DOCK1: variants seen among roughly 807,000 people sequenced by gnomAD.
DOCK1 encodes dedicator of cytokinesis 1.
DOCK1 carries 138 observed loss-of-function variants against 262.7 expected under a neutral mutation model. That is an observed-to-expected ratio of 0.53 (90% CI 0.46 to 0.61). DOCK1 has a LOEUF of 0.61. Among genes scored for constraint, DOCK1 ranks in the 20% least tolerant of loss-of-function variants. The pLI is 0.00. For missense variants in DOCK1, 1,908 were observed against 2,370.7 expected (o/e 0.80, Z 4.05); for synonymous variants, 866 against 867.4 (o/e 1.00, Z 0.03).
intron 27 of DOCK1, among the ~76,000 whole-genome samples, chr10:127,247,654 ATAGT>A (rs1279691956): frequency 2.0e-5 from 3 of 152,208 alleles, no homozygotes; most frequent in African/African-American, 7.2e-5. Flanking sequence ...TGAGGTATTA[ATAGT>A]TAGAGAGAAT....
At chr10:127,236,067 G>A (rs1449865465) in intron 27 of DOCK1, among the ~76,000 whole-genome samples, 3 of 152,034 alleles carry the variant, frequency 2.0e-5, no homozygotes, top group African/African-American at 4.8e-5. Flanking sequence ...TCTGCAGTCT[G>A]TCTTTTTACT....
chr10:127,097,397 G>T, intron 23 of DOCK1, among the ~76,000 whole-genome samples: 1 of 152,164 alleles, frequency 6.6e-6, no homozygotes, highest in East Asian at 1.9e-4. Flanking sequence ...TTTACCACTG[G>T]CTGTGATTCT....
chr10:127,238,398 T>C (rs2059148187), intron 27 of DOCK1, among the ~76,000 whole-genome samples: 1 of 152,140 alleles, frequency 6.6e-6, no homozygotes, highest in African/African-American at 2.4e-5. Flanking sequence ...CCAAAGACCT[T>C]TTACCTCGAG....
At chr10:126,936,014 T>C (rs1357713716) in intron 1 of DOCK1, among the ~76,000 whole-genome samples, 1 of 152,232 alleles carries the variant, frequency 6.6e-6, no homozygotes, top group Non-Finnish European at 1.5e-5. Flanking sequence ...AAGGCCTCAC[T>C]TTGTCATCCA....
At chr10:127,253,858 G>GC (rs1317337086) in intron 28 of DOCK1, among the ~76,000 whole-genome samples, 1 of 126,524 alleles carries the variant, frequency 7.9e-6, no homozygotes, top group African/African-American at 3.0e-5. Context: ...CTGGGTGATA[G>GC]CATGAGACCC....
At chr10:127,121,453 A>ATGTGTGTG (rs755217555) in intron 25 of DOCK1, among the ~76,000 whole-genome samples, 3 of 25,736 alleles carry the variant, frequency 1.2e-4, no homozygotes, top group Admixed American at 4.1e-4. Context: ...GGGTATATGT[A>ATGTGTGTG]TATGTGTGTG....
chr10:127,322,089 C>T (rs1477143495), intron 29 of DOCK1, among the ~76,000 whole-genome samples: 2 of 150,670 alleles, frequency 1.3e-5, no homozygotes, highest in Non-Finnish European at 2.9e-5. Flanking sequence ...GGAGACAGAG[C>T]GAGACTCTGT....
intron 48 of DOCK1, among the ~76,000 whole-genome samples, chr10:127,434,060 A>G (rs1247181570): frequency 6.6e-6 from 1 of 151,934 alleles, no homozygotes; most frequent in Non-Finnish European, 1.5e-5. Context: ...TGGTCTGACC[A>G]TGACACAACC....
intron 29 of DOCK1, among the ~76,000 whole-genome samples, chr10:127,318,845 A>G (rs2062398285): frequency 6.6e-6 from 1 of 152,186 alleles, no homozygotes; most frequent in Admixed American, 6.5e-5. Context: ...GAGTGTTATG[A>G]ATAGAAATAG....
chr10:127,330,476 T>C (rs563648511), intron 29 of DOCK1, among the ~76,000 whole-genome samples: 13 of 151,852 alleles, frequency 8.6e-5, no homozygotes, highest in Non-Finnish European at 1.6e-4. Flanking sequence ...CCTTGTGTAC[T>C]GTTGCTGGGA....
At chr10:127,130,970 A>G (rs2251928) in intron 27 of DOCK1, among the ~76,000 whole-genome samples, 124,956 of 152,100 alleles carry the variant, frequency 0.82, 52,027 homozygotes, top group East Asian at 0.94. Flanking sequence ...TCTATTTTCT[A>G]TCATGTCGTA....
intron 16 of DOCK1, 98 bp from the exon 17 acceptor site, chr10:127,031,552 A>T: frequency 1.1e-6 from 1 of 901,142 alleles, no homozygotes; most frequent in Non-Finnish European, 1.7e-6. Context: ...ATAATTTTGT[A>T]ATTGTTTTCA....
At chr10:127,177,067 G>C (rs568950171) in intron 27 of DOCK1, 1 of 152,106 alleles carries the variant, frequency 6.6e-6, no homozygotes, top group South Asian at 2.1e-4. Flanking sequence ...AAGGAACGTG[G>C]GTTTCCCTGC....
At chr10:127,249,358 TATATAC>T (rs1249787020) in intron 28 of DOCK1, among the ~76,000 whole-genome samples, 3 of 151,562 alleles carry the variant, frequency 2.0e-5, no homozygotes, top group Non-Finnish European at 4.4e-5. Context: ...TTTATACTTA[TATATAC>T]ATATATATAC....
chr10:127,256,879 C>T (rs2059842870), intron 28 of DOCK1, among the ~76,000 whole-genome samples: 1 of 152,164 alleles, frequency 6.6e-6, no homozygotes, highest in Non-Finnish European at 1.5e-5. Flanking sequence ...CTGTTGGAGC[C>T]TTTCGTTTTG....
chr10:127,023,112 A>G (rs2042561177), intron 13 of DOCK1, 88 bp from the exon 14 acceptor site: 1 of 1,406,078 alleles, frequency 7.1e-7, no homozygotes, highest in Non-Finnish European at 9.7e-7. Context: ...GTAATAATCT[A>G]TGAGGATAGG....
At chr10:127,117,893 C>T (rs1355409278) in intron 25 of DOCK1, among the ~76,000 whole-genome samples, 1 of 152,092 alleles carries the variant, frequency 6.6e-6, no homozygotes, top group Admixed American at 6.6e-5. Flanking sequence ...GTGGAAAGAG[C>T]CCCAGGTCAG....
Position 127,100,101 on chromosome 10 carries a change from T to C in DOCK1, c.2446-6130T>C, listed in dbSNP as rs1397161112. Among the ~76,000 whole-genome samples the C allele has an allele frequency of 6.6e-6, 1 of 152,146 alleles. No homozygotes were observed. Among genetic ancestry groups the C allele is most frequent in the African/African-American group, 2.4e-5 (1 of 41,432 alleles). ...CTCCATGGGTGTGGGATAGGTTCCC[T>C]GTGTCCCATGAGCAGGGGACGTTGC... is the stretch of plus-strand genomic sequence containing the variant. On this transcript the variant is annotated intron_variant, in intron 23 of 51. Coordinates refer to ENST00000623213, the MANE Select transcript of DOCK1 (RefSeq NM_001290223.2). This position sits in a 1 kb window ranked among gnomAD's most constrained non-coding sequence, Gnocchi z 5.5.
At chr10:127,407,036 G>A (rs2067557267) in intron 40 of DOCK1, among the ~76,000 whole-genome samples, 1 of 151,660 alleles carries the variant, frequency 6.6e-6, no homozygotes, top group Non-Finnish European at 1.5e-5. Flanking sequence ...TTTTCGGGGG[G>A]GCGGTGGGGA....
Sources: gnomAD v4.1 joint callset for allele counts (sites outside exome capture counted in the v4.1 genomes callset) on GRCh38, gnomAD v4.1.1 for gene constraint, Gnocchi (gnomAD v3.1) non-coding constraint, MANE v1.5 for transcripts, NCBI Gene and HGNC (gene_info 2026-07-23, HGNC 2026-07-21) for gene names.